GRIA2: variants seen among roughly 807,000 people sequenced by gnomAD.
GRIA2 encodes glutamate ionotropic receptor AMPA type subunit 2.
In GRIA2, 14 loss-of-function variants were observed where a neutral mutation model predicts 97.3. That is an observed-to-expected ratio of 0.14 (90% CI 0.10 to 0.23). GRIA2 has a LOEUF of 0.23. Among genes scored for constraint, GRIA2 ranks in the 10% least tolerant of loss-of-function variants. The probability of loss-of-function intolerance (pLI) is 1.00; values close to 1 mark genes in which losing one functional copy is unlikely to be tolerated. For synonymous variants in GRIA2, 412 were observed against 387.8 expected (o/e 1.06, Z -0.73); for missense variants, 558 against 1,069.8 (o/e 0.52, Z 6.67).
At chr4:157,353,700 C>CAAACAAAA (rs1016346834) in intron 12 of GRIA2, among the ~76,000 whole-genome samples, 4 of 151,662 alleles carry the variant, frequency 2.6e-5, no homozygotes, top group Non-Finnish European at 4.4e-5. Flanking sequence ...AACAAACAAA[C>CAAACAAAA]AAACAAAAAA....
chr4:157,312,804 C>T lies in GRIA2; in HGVS notation c.595C>T (p.Leu199=). ...GATGTACCGATCACTTTTTCAAGAT[C>T]TGGAGTTAAAAAAGGAACGGCGTGT... is the stretch of plus-strand genomic sequence containing the variant. ...DEMYRSLFQD[L]ELKKERRVIL... is the part of the protein sequence containing the mutation. The change falls in exon 4 of 16, where the codon CTG becomes TTG. Residue 199 remains leucine (L), a synonymous_variant. Coordinates refer to ENST00000264426, the MANE Select transcript of GRIA2 (RefSeq NM_001083619.3). 6.2e-7 allele frequency: 1 copy of T among 1,611,388 alleles called. No homozygotes were observed. Among genetic ancestry groups the T allele is most frequent in the Non-Finnish European group, 8.5e-7 (1 of 1,177,978 alleles).
intron 2 of GRIA2, 38 bp downstream of exon 2, chr4:157,221,845 G>T (rs759505646): frequency 2.5e-6 from 4 of 1,597,098 alleles, no homozygotes; most frequent in Admixed American, 1.7e-5. Flanking sequence ...GGTGCTGCAC[G>T]CGGAAGGCCA....
At chr4:157,276,068 G>A (rs961844880) in intron 2 of GRIA2, among the ~76,000 whole-genome samples, 1 of 152,076 alleles carries the variant, frequency 6.6e-6, no homozygotes, top group African/African-American at 2.4e-5. Context: ...TCTCCTTGAA[G>A]AGGTCCTTCA....
chr4:157,355,365 T>C (rs1736205163), intron 12 of GRIA2, among the ~76,000 whole-genome samples: 1 of 151,478 alleles, frequency 6.6e-6, no homozygotes, highest in South Asian at 2.1e-4. Flanking sequence ...CCATCTCTAC[T>C]AAAAATACAA....
chr4:157,229,605 T>C (rs986976169), intron 2 of GRIA2, among the ~76,000 whole-genome samples: 2 of 152,236 alleles, frequency 1.3e-5, no homozygotes, highest in African/African-American at 4.8e-5. Context: ...AGTTTTACTA[T>C]TTGGATTTTT....
rs201465282 is a variant in GRIA2 at position 157,361,517 on chromosome 4, T to A, written c.2406+393T>A. 1 of 1,415,366 alleles carries A rather than the reference T, an allele frequency of 7.1e-7. No homozygotes were observed. The highest frequency in any genetic ancestry group is 2.3e-5 in the East Asian group (1 of 43,856). 87.7% of individuals were successfully genotyped at this position (1,415,366 alleles called of 1,614,324 possible). A position where few individuals can be genotyped will look rare whatever the true frequency, so the allele number is the denominator to read the frequency against. On this transcript the variant is annotated intron_variant, in intron 14 of 15. Coordinates refer to ENST00000264426, the MANE Select transcript of GRIA2 (RefSeq NM_001083619.3). The surrounding 1 kb of genome is among the most constrained non-coding windows in gnomAD (Gnocchi z 5.2). ...ATAAAATAACATTGATAATGTTATTTATGTTATTTTCCACGTGAAGAACCC... is the reference window on the plus strand; with the variant it reads ...ATAAAATAACATTGATAATGTTATTAATGTTATTTTCCACGTGAAGAACCC...
chr4:157,355,950 T>TA (rs1481690205), intron 12 of GRIA2, among the ~76,000 whole-genome samples: 368 of 6,126 alleles, frequency 0.06, 1 homozygote, highest in East Asian at 0.37. Flanking sequence ...TTAATATATA[T>TA]TTATATATTT....
chr4:157,351,954 C>T (rs2126973737), intron 12 of GRIA2, among the ~76,000 whole-genome samples: 1 of 152,326 alleles, frequency 6.6e-6, no homozygotes, highest in South Asian at 2.1e-4. Context: ...TTCTTTGTAA[C>T]AGTATGAAAA....
Position 157,220,806 on chromosome 4 carries a change from A to T in GRIA2, c.-237A>T, listed in dbSNP as rs371826623. On this transcript the variant is annotated 5_prime_UTR_variant, in exon 1 of 16. Transcript: ENST00000264426. ...CAGCGGCAGCTCCGCTGAAAACTGC[A>T]TTCAGCCAGTCCTCCGGACTTCTGG... is the stretch of plus-strand genomic sequence containing the variant. 1.8e-6 allele frequency: 1 copy of T among 554,872 alleles called. No individual in the cohort carries two copies. The allele number at this position is 554,872 out of a possible 1,614,324, so 34.4% of individuals were successfully genotyped here.
chr4:157,345,661 G>A (rs1189854577), intron 12 of GRIA2, among the ~76,000 whole-genome samples: 1 of 151,962 alleles, frequency 6.6e-6, no homozygotes, highest in African/African-American at 2.4e-5. Flanking sequence ...CCTATCATTG[G>A]CCTGTCAAAC....
At position 157,237,628 on chromosome 4, in the gene GRIA2, A is replaced by G. The variant is rs189015554; in HGVS notation, c.229+15821A>G. Among the ~76,000 whole-genome samples, 327 of 152,260 alleles carry G rather than the reference A, an allele frequency of 2.1e-3. 4 individuals are homozygous for G. Among genetic ancestry groups the G allele is most frequent in the African/African-American group, 7.6e-3 (317 of 41,556 alleles). On this transcript the variant is annotated intron_variant, in intron 2 of 15. Coordinates refer to ENST00000264426, the MANE Select transcript of GRIA2 (RefSeq NM_001083619.3). ...ATTCCTCAAGGAGTTACAAACAAAT[A>G]GGGAATTTACCCAGAGTGTGAAATA...
chr4:157,365,743 C>T lies in GRIA2; in HGVS notation c.*2312C>T, dbSNP rs1736857614. 6.6e-6 allele frequency: 1 copy of T among 151,780 alleles called. No homozygotes were observed. Among genetic ancestry groups the T allele is most frequent in the Admixed American group, 6.6e-5 (1 of 15,154 alleles). 9.4% of individuals were successfully genotyped at this position (151,780 alleles called of 1,614,324 possible). A position where few individuals can be genotyped will look rare whatever the true frequency, so the allele number is the denominator to read the frequency against. On this transcript the variant is annotated 3_prime_UTR_variant, in exon 16 of 16. Transcript: ENST00000264426. ...GTCAAACAAGAGTGATGACAGCTGT[C>T]TAAAGGTTTTTTTATTCATTTTATA...
Position 157,244,402 on chromosome 4 carries a change from C to A in GRIA2, c.229+22595C>A, listed in dbSNP as rs145329325. Among the ~76,000 whole-genome samples the A allele has an allele frequency of 8.5e-5, 13 of 152,140 alleles. 1 individual carries two copies. The East Asian group carries it at 2.3e-3, about 27-fold the overall frequency. ...CAGGAAAAAGATCTTAACCCCCTACCTCCTTAGCTTCATCACAGCAAATGT... is the reference window on the plus strand; with the variant it reads ...CAGGAAAAAGATCTTAACCCCCTACATCCTTAGCTTCATCACAGCAAATGT... On this transcript the variant is annotated intron_variant, in intron 2 of 15. Coordinates refer to ENST00000264426, the MANE Select transcript of GRIA2 (RefSeq NM_001083619.3).
chr4:157,228,691 G>A (rs1018051559), intron 2 of GRIA2, among the ~76,000 whole-genome samples: 9 of 150,342 alleles, frequency 6.0e-5, no homozygotes, highest in African/African-American at 2.2e-4. Flanking sequence ...TACTCAGGAG[G>A]CTGAGGCAGT....
At chr4:157,235,203 G>T (rs1561003395) in intron 2 of GRIA2, among the ~76,000 whole-genome samples, 1 of 152,064 alleles carries the variant, frequency 6.6e-6, no homozygotes, top group East Asian at 1.9e-4. Flanking sequence ...TATCTACCTT[G>T]TTTGTATGCA....
chr4:157,352,107 T>C (rs1424502235), intron 12 of GRIA2, among the ~76,000 whole-genome samples: 1 of 152,254 alleles, frequency 6.6e-6, no homozygotes, highest in Non-Finnish European at 1.5e-5. Context: ...AGTTTACTTA[T>C]AAATTATATG....
At chr4:157,248,628 T>G (rs1212631350) in intron 2 of GRIA2, among the ~76,000 whole-genome samples, 4 of 102,038 alleles carry the variant, frequency 3.9e-5, no homozygotes, top group Admixed American at 1.0e-4. Context: ...TATATACGTA[T>G]ATATATACAC....
rs1000930859 is a variant in GRIA2 at position 157,361,786 on chromosome 4, G to A, written c.2406+662G>A. ...AAATATGCATGAGATGCATAATTTG[G>A]TAAGATGTTTTGGTAATGCCTGCAG... On this transcript the variant is annotated intron_variant, in intron 14 of 15. Coordinates refer to ENST00000264426, the MANE Select transcript of GRIA2 (RefSeq NM_001083619.3). This position sits in a 1 kb window ranked among gnomAD's most constrained non-coding sequence, Gnocchi z 5.2. 3 of 629,312 alleles carry A rather than the reference G, an allele frequency of 4.8e-6. No individual in the cohort carries two copies. Among genetic ancestry groups the A allele is most frequent in the South Asian group, 2.0e-5 (1 of 48,842 alleles). 39.0% of individuals were successfully genotyped at this position (629,312 alleles called of 1,614,324 possible).
chr4:157,305,783 T>G (rs1733815751), intron 3 of GRIA2, among the ~76,000 whole-genome samples: 1 of 152,120 alleles, frequency 6.6e-6, no homozygotes, highest in South Asian at 2.1e-4. Context: ...TTATAATGAA[T>G]GGGTGATGTT....
Sources: allele counts gnomAD v4.1 joint callset (sites outside exome capture counted in the v4.1 genomes callset), GRCh38; gene constraint gnomAD v4.1.1; non-coding constraint Gnocchi (gnomAD v3.1); transcripts MANE v1.5; gene names NCBI Gene and HGNC (gene_info 2026-07-23, HGNC 2026-07-21).